The following ADGRL3 variants were observed in gnomAD, a reference collection of about 807,000 sequenced individuals.
ADGRL3 encodes the protein calcium-independent alpha-latrotoxin receptor 3.
ADGRL3 carries 62 observed loss-of-function variants against 153.5 expected under a neutral mutation model. That is an observed-to-expected ratio of 0.40 (90% CI 0.33 to 0.50). The LOEUF (loss-of-function observed/expected upper bound fraction) is 0.50, where lower values mean the gene tolerates loss of function less well. Among genes scored for constraint, ADGRL3 ranks in the 20% least tolerant of loss-of-function variants. ADGRL3 has a pLI of 0.47. For synonymous variants in ADGRL3, 710 were observed against 672.5 expected (o/e 1.06, Z -0.86); for missense variants, 1,641 against 1,859.4 (o/e 0.88, Z 2.16).
In ADGRL3 at chr4:62,071,098, C is replaced by A. The variant is rs1481858322; in HGVS notation, c.*190C>A. On this transcript the variant is annotated 3_prime_UTR_variant, in exon 27 of 27. Coordinates refer to ENST00000683033, the MANE Select transcript of ADGRL3 (RefSeq NM_001387552.1). ...TCAGCCCAGGGGAGAAAGATAACTG[C>A]TAAAATTCCCCTGTACCCCATCCTT... The A allele has an allele frequency of 9.3e-6, 5 of 538,548 alleles. No homozygotes were observed. The highest frequency in any genetic ancestry group is 1.3e-5 in the Non-Finnish European group (4 of 307,184). The allele number at this position is 538,548 out of a possible 1,614,324, so 33.4% of individuals were successfully genotyped here.
At chr4:62,066,012 T>A (rs1484793817) in intron 25 of ADGRL3, among the ~76,000 whole-genome samples, 1 of 152,188 alleles carries the variant, frequency 6.6e-6, no homozygotes, top group African/African-American at 2.4e-5. Context: ...CTGACTTTTT[T>A]AAAAAACCAA....
chr4:61,370,880 T>G (rs544283628), intron 1 of ADGRL3, among the ~76,000 whole-genome samples: 1 of 151,874 alleles, frequency 6.6e-6, no homozygotes, highest in Non-Finnish European at 1.5e-5. Flanking sequence ...TCTTTGTAGG[T>G]CACTCAGGAC....
intron 2 of ADGRL3, among the ~76,000 whole-genome samples, chr4:61,465,066 A>G (rs903703028): frequency 8.5e-5 from 13 of 152,314 alleles, no homozygotes; most frequent in African/African-American, 3.1e-4. Context: ...ATGTCAGAGT[A>G]TATTGGGAAA....
intron 6 of ADGRL3, among the ~76,000 whole-genome samples, chr4:61,689,245 A>G (rs145017806): frequency 6.6e-6 from 1 of 152,196 alleles, no homozygotes; most frequent in East Asian, 1.9e-4. Flanking sequence ...CTCCTCATAT[A>G]TAACAAGCCT....
intron 2 of ADGRL3, among the ~76,000 whole-genome samples, chr4:61,477,517 A>G (rs1346610346): frequency 6.6e-6 from 1 of 152,190 alleles, no homozygotes; most frequent in Non-Finnish European, 1.5e-5. Context: ...AAGGATTTTA[A>G]CTGTATATGC....
chr4:61,467,390 T>C (rs189233323), intron 2 of ADGRL3, among the ~76,000 whole-genome samples: 118 of 152,134 alleles, frequency 7.8e-4, no homozygotes, highest in Admixed American at 4.2e-3. Context: ...CAATGCTTAA[T>C]ATAGGGTCTG....
In ADGRL3 at chr4:61,608,180, C is replaced by T. The variant is rs139324911; in HGVS notation, c.473+20740C>T. Among the ~76,000 whole-genome samples the T allele has an allele frequency of 5.8e-3, 890 of 152,328 alleles. 14 individuals carry two copies. The highest frequency in any genetic ancestry group is 0.02 in the African/African-American group (842 of 41,580). On this transcript the variant is annotated intron_variant, in intron 5 of 26. Transcript: ENST00000683033. ...GTCTGCTTCCACTGACTGCCTCCTA[C>T]CAGCTTCCCACATTTGCACACACAG... is the stretch of plus-strand genomic sequence containing the variant.
At chr4:61,760,236 G>A (rs1313647243) in intron 8 of ADGRL3, among the ~76,000 whole-genome samples, 1 of 152,112 alleles carries the variant, frequency 6.6e-6, no homozygotes, top group African/African-American at 2.4e-5. Context: ...CTTTTGTTTG[G>A]CTATTCCCTG....
chr4:61,876,256 G>A (rs2149439036), intron 9 of ADGRL3, among the ~76,000 whole-genome samples: 1 of 149,660 alleles, frequency 6.7e-6, no homozygotes, highest in Admixed American at 6.8e-5. Flanking sequence ...CAATATTACA[G>A]TATCATTCAT....
At chr4:61,691,282 A>G (rs553137620) in intron 6 of ADGRL3, among the ~76,000 whole-genome samples, 1 of 152,316 alleles carries the variant, frequency 6.6e-6, no homozygotes, top group South Asian at 2.1e-4. Flanking sequence ...CCTTATCTTT[A>G]TCCTCAGACA....
chr4:61,341,866 A>G (rs527270052), intron 1 of ADGRL3, among the ~76,000 whole-genome samples: 18 of 152,266 alleles, frequency 1.2e-4, no homozygotes, highest in African/African-American at 4.3e-4. Context: ...ATACATTTGT[A>G]AAAGTGGGAT....
chr4:61,592,598 G>A (rs1469531872), intron 5 of ADGRL3, among the ~76,000 whole-genome samples: 2 of 152,086 alleles, frequency 1.3e-5, no homozygotes, highest in African/African-American at 2.4e-5. Flanking sequence ...AGAGAATATG[G>A]AGAAATGGGA....
intron 2 of ADGRL3, among the ~76,000 whole-genome samples, chr4:61,456,798 TCA>T (rs2097761176): frequency 6.6e-6 from 1 of 151,860 alleles, no homozygotes; most frequent in Non-Finnish European, 1.5e-5. Flanking sequence ...CAGTTAAAAT[TCA>T]GTCATAAATG....
intron 9 of ADGRL3, among the ~76,000 whole-genome samples, chr4:61,870,619 ACC>A (rs1156990868): frequency 2.8e-4 from 3 of 10,570 alleles, no homozygotes; most frequent in Non-Finnish European, 5.8e-4. Context: ...AAGGACAAAT[ACC>A]AGATTAAAAA....
chr4:61,255,440 C>A (rs1427472172), intron 1 of ADGRL3, among the ~76,000 whole-genome samples: 4 of 152,030 alleles, frequency 2.6e-5, no homozygotes. Flanking sequence ...TTGGCAATTG[C>A]CTTGTTAAAA....
At position 61,675,331 on chromosome 4, in the gene ADGRL3, C is replaced by A. The variant is rs2095149668; in HGVS notation, c.474-1495C>A. On this transcript the variant is annotated intron_variant, in intron 5 of 26. Coordinates refer to ENST00000683033, the MANE Select transcript of ADGRL3 (RefSeq NM_001387552.1). Reference sequence around the variant, plus strand: ...GTATTATATTTCTGAAATGAATAAACAAGAACATAAAACACAGGGGATAAT... The same window carrying A: ...GTATTATATTTCTGAAATGAATAAAAAAGAACATAAAACACAGGGGATAAT... Among the ~76,000 whole-genome samples, 3 of 151,706 alleles carry A rather than the reference C, an allele frequency of 2.0e-5. No individual in the cohort carries two copies. In the South Asian group the frequency reaches 6.2e-4, roughly 31 times the overall value.
At chr4:62,058,344 G>C (rs1207703650) in intron 25 of ADGRL3, among the ~76,000 whole-genome samples, 1 of 152,068 alleles carries the variant, frequency 6.6e-6, no homozygotes, top group Non-Finnish European at 1.5e-5. Context: ...AATTACATTA[G>C]GAGCTGGACA....
At chr4:61,388,266 T>C (rs1286692039) in intron 2 of ADGRL3, among the ~76,000 whole-genome samples, 1 of 152,182 alleles carries the variant, frequency 6.6e-6, no homozygotes, top group Non-Finnish European at 1.5e-5. Flanking sequence ...TGATCTACCA[T>C]ACAGCATTTA....
chr4:61,321,713 CTA>C (rs1355156442), intron 1 of ADGRL3, among the ~76,000 whole-genome samples: 8 of 151,682 alleles, frequency 5.3e-5, no homozygotes, highest in African/African-American at 1.9e-4. Context: ...CTAAACATGT[CTA>C]AACGTAGAAA....
Sources: gnomAD v4.1 joint callset for allele counts (sites outside exome capture counted in the v4.1 genomes callset) on GRCh38, gnomAD v4.1.1 for gene constraint, MANE v1.5 for transcripts, NCBI Gene and HGNC (gene_info 2026-07-23, HGNC 2026-07-21) for gene names.